GRID1: variants seen among roughly 807,000 people sequenced by gnomAD.
GRID1 encodes the protein glutamate receptor ionotropic, delta-1.
A neutral mutation model predicts 98.0 loss-of-function variants in GRID1; 28 were observed. The ratio of observed to expected loss-of-function variants is 0.29; its 90% CI spans 0.21 to 0.39. The LOEUF is 0.39. GRID1 is among the 10% of genes least tolerant of loss of function. The probability of loss-of-function intolerance (pLI) is 1.00; values close to 1 mark genes in which losing one functional copy is unlikely to be tolerated. For synonymous variants in GRID1, 553 were observed against 538.5 expected (o/e 1.03, Z -0.37); for missense variants, 1,111 against 1,340.5 (o/e 0.83, Z 2.67).
intron 2 of GRID1, among the ~76,000 whole-genome samples, chr10:86,332,714 C>G (rs1209598895): frequency 6.6e-6 from 1 of 152,128 alleles, no homozygotes; most frequent in African/African-American, 2.4e-5. Flanking sequence ...AGGCTTCACC[C>G]AGGTCCCCCA....
intron 5 of GRID1, among the ~76,000 whole-genome samples, chr10:85,878,571 G>A (rs1161602851): frequency 6.6e-6 from 1 of 152,104 alleles, no homozygotes; most frequent in Non-Finnish European, 1.5e-5. Flanking sequence ...AGCAAATGCT[G>A]AGAGATTTTG....
intron 2 of GRID1, among the ~76,000 whole-genome samples, chr10:86,286,097 T>C (rs1327826269): frequency 6.6e-6 from 1 of 152,100 alleles, no homozygotes; most frequent in Non-Finnish European, 1.5e-5. Flanking sequence ...GCTGTAGGTG[T>C]AGGTATAAGT....
At chr10:85,882,761 T>C (rs1841052324) in intron 5 of GRID1, among the ~76,000 whole-genome samples, 1 of 152,088 alleles carries the variant, frequency 6.6e-6, no homozygotes, top group East Asian at 1.9e-4. Context: ...ACCCTAAAAC[T>C]TAAAGTGTAA....
chr10:85,712,971 C>T (rs1284548890), intron 12 of GRID1, among the ~76,000 whole-genome samples: 1 of 151,508 alleles, frequency 6.6e-6, no homozygotes, highest in Non-Finnish European at 1.5e-5. Context: ...AAAAAAGAAA[C>T]CTTTTAAATA....
intron 2 of GRID1, among the ~76,000 whole-genome samples, chr10:86,354,727 G>A (rs955937763): frequency 2.0e-5 from 3 of 152,242 alleles, no homozygotes; most frequent in African/African-American, 7.2e-5. Context: ...GTCCCGGGGA[G>A]GCAGGGGCAG....
intron 2 of GRID1, among the ~76,000 whole-genome samples, chr10:86,210,118 G>A (rs1456233985): frequency 1.3e-5 from 2 of 152,166 alleles, no homozygotes; most frequent in Non-Finnish European, 2.9e-5. Context: ...AAGCTCCCTG[G>A]GACACAGAGG....
intron 2 of GRID1, among the ~76,000 whole-genome samples, chr10:86,353,664 G>A (rs971155570): frequency 6.6e-6 from 1 of 152,222 alleles, no homozygotes; most frequent in Non-Finnish European, 1.5e-5. Flanking sequence ...GCCAGCTCCA[G>A]TTGGGGTTCT....
At chr10:85,789,952 T>G (rs1195114243) in intron 8 of GRID1, among the ~76,000 whole-genome samples, 1 of 152,192 alleles carries the variant, frequency 6.6e-6, no homozygotes, top group East Asian at 1.9e-4. Flanking sequence ...CCCGCCCTCA[T>G]GGCTCTTGGC....
chr10:86,257,244 A>ACAACTGGC, intron 2 of GRID1, among the ~76,000 whole-genome samples: 1 of 152,330 alleles, frequency 6.6e-6, no homozygotes, highest in East Asian at 1.9e-4. Context: ...TTCAGAGATA[A>ACAACTGGC]CAACTGGCAG....
chr10:85,877,849 T>A (rs545667293), intron 5 of GRID1, among the ~76,000 whole-genome samples: 23 of 152,034 alleles, frequency 1.5e-4, no homozygotes, highest in African/African-American at 5.3e-4. Context: ...TTCAAACCAA[T>A]GGCAAAGAAG....
intron 4 of GRID1, among the ~76,000 whole-genome samples, chr10:86,090,285 G>A (rs1844126606): frequency 6.6e-6 from 1 of 151,662 alleles, no homozygotes; most frequent in Non-Finnish European, 1.5e-5. Context: ...AAAATAGTGG[G>A]CATGGTGGTG....
At chr10:85,854,204 A>G (rs950248727) in intron 8 of GRID1, among the ~76,000 whole-genome samples, 3 of 152,036 alleles carry the variant, frequency 2.0e-5, no homozygotes, top group Admixed American at 6.6e-5. Context: ...ATTGTCCTTT[A>G]TAGCCTCCAT....
At chr10:85,969,371 C>T (rs553790709) in intron 4 of GRID1, among the ~76,000 whole-genome samples, 12 of 152,246 alleles carry the variant, frequency 7.9e-5, no homozygotes, top group Non-Finnish European at 1.6e-4. Context: ...ACACTCCATT[C>T]AACAAGAGGA....
At chr10:86,061,913 A>G (rs1843654392) in intron 4 of GRID1, among the ~76,000 whole-genome samples, 1 of 152,186 alleles carries the variant, frequency 6.6e-6, no homozygotes, top group Admixed American at 6.5e-5. Context: ...GATAAGCAGA[A>G]AAGAGATGAG....
rs1841403011 is a variant in GRID1 at position 85,902,515 on chromosome 10, T to G, written c.780+13671A>C. Among the ~76,000 whole-genome samples, 5 of 152,352 alleles carry G rather than the reference T, an allele frequency of 3.3e-5. No individual in the cohort carries two copies. In the South Asian group the frequency reaches 1.0e-3, roughly 32 times the overall value. Reference sequence around the variant, plus strand: ...TAACAAAAGTTTCATAGTAGGACTTTCCATAATACAAACTATATTACTGTT... The same window carrying G: ...TAACAAAAGTTTCATAGTAGGACTTGCCATAATACAAACTATATTACTGTT... On this transcript the variant is annotated intron_variant, in intron 5 of 15. Transcript: ENST00000327946.
intron 4 of GRID1, among the ~76,000 whole-genome samples, chr10:86,130,175 C>G (rs1201191276): frequency 7.0e-6 from 1 of 142,382 alleles, no homozygotes; most frequent in Admixed American, 7.1e-5. Context: ...CACATGCTTA[C>G]TGTTGCATGA....
At chr10:85,925,822 A>G (rs1287118710) in intron 4 of GRID1, among the ~76,000 whole-genome samples, 5 of 152,226 alleles carry the variant, frequency 3.3e-5, no homozygotes, top group Non-Finnish European at 7.3e-5. Context: ...CAATTAAAGC[A>G]TTAGCGCTCA....
At chr10:85,681,647 C>A (rs988150402) in intron 12 of GRID1, among the ~76,000 whole-genome samples, 2 of 152,148 alleles carry the variant, frequency 1.3e-5, no homozygotes, top group African/African-American at 2.4e-5. Context: ...ACAGCCCAGC[C>A]CCTTTCTGCC....
chr10:86,293,203 A>C (rs1285117525), intron 2 of GRID1, among the ~76,000 whole-genome samples: 3 of 151,352 alleles, frequency 2.0e-5, no homozygotes, highest in Non-Finnish European at 4.4e-5. Context: ...CTTTGTTATC[A>C]CTCCTTCTTT....
Sources: gnomAD v4.1 joint callset for allele counts (sites outside exome capture counted in the v4.1 genomes callset) on GRCh38, gnomAD v4.1.1 for gene constraint, MANE v1.5 for transcripts, NCBI Gene and HGNC (gene_info 2026-07-23, HGNC 2026-07-21) for gene names.